LAMA2: variants seen among roughly 807,000 people sequenced by gnomAD.
LAMA2 encodes the protein laminin subunit alpha-2.
LAMA2 carries 269 observed loss-of-function variants against 364.8 expected under a neutral mutation model. The observed-to-expected ratio is 0.74, with a 90% CI of 0.67 to 0.82. The LOEUF (loss-of-function observed/expected upper bound fraction) is 0.82, where lower values mean the gene tolerates loss of function less well. Ranked by LOEUF, LAMA2 falls within the 40% of genes least tolerant of loss-of-function variation. LAMA2 has a pLI of 0.00. For missense variants in LAMA2, 3,807 were observed against 3,873.2 expected (o/e 0.98, Z 0.45); for synonymous variants, 1,379 against 1,370.6 (o/e 1.01, Z -0.14).
At position 129,146,910 on chromosome 6, in the gene LAMA2, G is replaced by T; in HGVS notation, c.820-49G>T. 2.7e-6 allele frequency: 3 copies of T among 1,116,872 alleles called. No homozygotes were observed. The South Asian group carries it at 3.7e-5, about 14-fold the overall frequency. 69.2% of individuals were successfully genotyped at this position (1,116,872 alleles called of 1,614,324 possible). ...ACTGAATGTCCCCTTTTGTTACTTTGACCTTGCAGTCATCTTAACAGGATT... is the reference window on the plus strand; with the variant it reads ...ACTGAATGTCCCCTTTTGTTACTTTTACCTTGCAGTCATCTTAACAGGATT... On this transcript the variant is annotated intron_variant, in intron 5 of 64. Transcript: ENST00000421865.
At chr6:129,281,599 G>T (rs1339569165) in intron 18 of LAMA2, among the ~76,000 whole-genome samples, 1 of 152,092 alleles carries the variant, frequency 6.6e-6, no homozygotes, top group Non-Finnish European at 1.5e-5. Flanking sequence ...TCCCATCCTT[G>T]CCCTCAGCAC....
chr6:129,385,396 A>T (rs1778958462), intron 35 of LAMA2, among the ~76,000 whole-genome samples: 1 of 151,740 alleles, frequency 6.6e-6, no homozygotes, highest in Non-Finnish European at 1.5e-5. Context: ...AGTAGGTTAT[A>T]CTGTATATCC....
At chr6:128,941,670 C>G (rs532225783) in intron 1 of LAMA2, among the ~76,000 whole-genome samples, 65 of 151,804 alleles carry the variant, frequency 4.3e-4, no homozygotes, top group Middle Eastern at 3.4e-3. Flanking sequence ...GTGCTCAGAA[C>G]TAAAAAATAA....
At chr6:129,369,294 C>G (rs764503745) in intron 33 of LAMA2, among the ~76,000 whole-genome samples, 1 of 152,158 alleles carries the variant, frequency 6.6e-6, no homozygotes, top group East Asian at 1.9e-4. Context: ...TCATTCATCA[C>G]TGGTTCAGAG....
rs115506597 is a variant in LAMA2 at position 129,130,163 on chromosome 6, G to T, written c.640-13738G>T. 1.1e-3 allele frequency among the ~76,000 whole-genome samples: 163 copies of T among 152,240 alleles called. 2 individuals carry two copies. The highest frequency in any genetic ancestry group is 3.5e-3 in the African/African-American group (147 of 41,546). On this transcript the variant is annotated intron_variant, in intron 4 of 64. Coordinates refer to ENST00000421865, the MANE Select transcript of LAMA2 (RefSeq NM_000426.4). ...AAAGTCAAAGAAGGGACTGAATATTGATCAGATTTTCAGAAAAACCTGCAA... is the reference window on the plus strand; with the variant it reads ...AAAGTCAAAGAAGGGACTGAATATTTATCAGATTTTCAGAAAAACCTGCAA...
At chr6:128,897,881 C>A (rs931929280) in intron 1 of LAMA2, among the ~76,000 whole-genome samples, 1 of 152,090 alleles carries the variant, frequency 6.6e-6, no homozygotes, top group Non-Finnish European at 1.5e-5. Flanking sequence ...CATCAGAAGT[C>A]CAGCAGTGTG....
chr6:129,017,474 A>G (rs1016425870), intron 1 of LAMA2, among the ~76,000 whole-genome samples: 5 of 105,998 alleles, frequency 4.7e-5, no homozygotes, highest in African/African-American at 1.3e-4. Flanking sequence ...ATGGAAGATA[A>G]AAGGTTTTCA....
chr6:129,301,905 T>G (rs868325687), intron 22 of LAMA2, among the ~76,000 whole-genome samples: 24 of 151,850 alleles, frequency 1.6e-4, no homozygotes, highest in East Asian at 3.9e-4. Context: ...TGAGGGGGGG[T>G]TTGTTTGTTT....
At chr6:129,238,908 A>G (rs1421412448) in intron 12 of LAMA2, among the ~76,000 whole-genome samples, 1 of 150,386 alleles carries the variant, frequency 6.6e-6, no homozygotes, top group Non-Finnish European at 1.5e-5. Context: ...TTTTTTTTGT[A>G]TTATCTGTAG....
intron 12 of LAMA2, among the ~76,000 whole-genome samples, chr6:129,225,222 C>G (rs531915509): frequency 7.2e-5 from 11 of 152,072 alleles, no homozygotes; most frequent in Non-Finnish European, 1.6e-4. Context: ...ATTCTTCTCT[C>G]TTTTCTTCTT....
chr6:128,883,916 TTCTTTCATGGCAATGGCGCCTCCAGCC>T (rs1210541898), intron 1 of LAMA2, among the ~76,000 whole-genome samples: 2 of 152,120 alleles, frequency 1.3e-5, no homozygotes, highest in African/African-American at 4.8e-5. Context: ...GTGGTTTTTT[TTCTTTCATGGCAATGGCGCCTCCAGCC>T]TCACCTTTTT....
At chr6:129,085,615 T>C (rs1774338051) in intron 3 of LAMA2, among the ~76,000 whole-genome samples, 1 of 152,142 alleles carries the variant, frequency 6.6e-6, no homozygotes, top group Non-Finnish European at 1.5e-5. Context: ...CAGCCAAACT[T>C]GCTAACAGCA....
At chr6:129,025,820 AATTTATAGTG>A (rs1342478379) in intron 1 of LAMA2, among the ~76,000 whole-genome samples, 2 of 152,124 alleles carry the variant, frequency 1.3e-5, no homozygotes, top group Admixed American at 1.3e-4. Flanking sequence ...GCCACAAGAA[AATTTATAGTG>A]ATTTCTTTTT....
chr6:129,155,854 G>A (rs1268125034), intron 8 of LAMA2, among the ~76,000 whole-genome samples: 1 of 151,706 alleles, frequency 6.6e-6, no homozygotes. Flanking sequence ...GGGCTTTTTT[G>A]TGTGTGTTTC....
At chr6:129,165,549 T>A (rs1426349359) in intron 8 of LAMA2, 27 bp from the exon 9 acceptor site, 1 of 1,493,486 alleles carries the variant, frequency 6.7e-7, no homozygotes, top group Non-Finnish European at 9.3e-7. Flanking sequence ...TTACACTTCG[T>A]TAAATTCATT....
At chr6:129,335,300 T>C (rs900433288) in intron 29 of LAMA2, among the ~76,000 whole-genome samples, 1 of 152,018 alleles carries the variant, frequency 6.6e-6, no homozygotes, top group African/African-American at 2.4e-5. Flanking sequence ...TCCAAGGGGA[T>C]AGCGGGAGGT....
intron 1 of LAMA2, among the ~76,000 whole-genome samples, chr6:128,985,038 G>T (rs1783132087): frequency 6.6e-6 from 1 of 152,036 alleles, no homozygotes; most frequent in Non-Finnish European, 1.5e-5. Flanking sequence ...TTATTCCTTT[G>T]ATATAAATCA....
intron 4 of LAMA2, among the ~76,000 whole-genome samples, chr6:129,109,291 G>A (rs987542271): frequency 6.6e-6 from 1 of 152,118 alleles, no homozygotes; most frequent in African/African-American, 2.4e-5. Context: ...CAGAACCCAT[G>A]TTGTGTGGTC....
intron 13 of LAMA2, among the ~76,000 whole-genome samples, chr6:129,251,285 G>A (rs563469048): frequency 6.6e-6 from 1 of 152,016 alleles, no homozygotes; most frequent in East Asian, 1.9e-4. Flanking sequence ...GAATTAGACT[G>A]CAGTCTTTTT....
Sources: allele counts gnomAD v4.1 joint callset (sites outside exome capture counted in the v4.1 genomes callset), GRCh38; gene constraint gnomAD v4.1.1; transcripts MANE v1.5; gene names NCBI Gene and HGNC (gene_info 2026-07-23, HGNC 2026-07-21).